Variants in COQ6 observed in about 807,000 individuals in gnomAD.
COQ6 encodes ubiquinone biosynthesis monooxygenase COQ6, mitochondrial.
In COQ6, 45 loss-of-function variants were observed where a neutral mutation model predicts 55.5. The ratio of observed to expected loss-of-function variants is 0.81; its 90% CI spans 0.64 to 1.04. The LOEUF is 1.04. COQ6 is among the 50% of genes least tolerant of loss of function. COQ6 has a pLI of 0.00. For missense variants in COQ6, 550 were observed against 601.3 expected (o/e 0.91, Z 0.89); for synonymous variants, 206 against 230.5 (o/e 0.89, Z 0.96).
rs996225314 is a variant in COQ6, at chr14:73,963,320, ATTTTGT to A, written c.*331_*336del. Reference sequence around the variant, plus strand: ...AATCATTTCTAAAGAGAAAATTTACATTTTGTTTTTGTTTTAATGTTGGTCATAAAT... The same window carrying A: ...AATCATTTCTAAAGAGAAAATTTACATTTTGTTTTAATGTTGGTCATAAAT... On this transcript the variant is annotated 3_prime_UTR_variant, in exon 12 of 12. Transcript: ENST00000334571. The A allele has an allele frequency of 2.7e-5, 12 of 448,580 alleles. No homozygotes were observed. The highest frequency in any genetic ancestry group is 2.0e-4 in the African/African-American group (10 of 49,862). 27.8% of individuals were successfully genotyped at this position (448,580 alleles called of 1,614,324 possible). A position where few individuals can be genotyped will look rare whatever the true frequency, so the allele number is the denominator to read the frequency against.
At chr14:73,955,675 T>C (rs1735305544) in intron 3 of COQ6, 130 bp from the exon 4 acceptor site, 3 of 1,481,454 alleles carry the variant, frequency 2.0e-6, no homozygotes, top group South Asian at 1.1e-5. Context: ...CTTCTCATTT[T>C]ATATTTTCCT....
chr14:73,961,062 G>C, intron 8 of COQ6, 111 bp from the exon 9 acceptor site: 2 of 1,245,616 alleles, frequency 1.6e-6, no homozygotes, highest in Non-Finnish European at 2.3e-6. Context: ...GTGTAGGCAA[G>C]TTGGGTAGCA....
chr14:73,960,475 A>G (rs2056665197), intron 8 of COQ6: 1 of 992,464 alleles, frequency 1.0e-6, no homozygotes. Flanking sequence ...AGTAGCAACA[A>G]GAATAAAGGG....
rs771271827 is a variant in COQ6, at chr14:73,961,419, G to T, written c.1095-36G>T. ...AGGGCCACTCCCTTCTCACTTTGCT[G>T]CCAGAGGTCACACCTGAACTCTGCT... On this transcript the variant is annotated intron_variant, in intron 9 of 11. Coordinates refer to ENST00000334571, the MANE Select transcript of COQ6 (RefSeq NM_182476.3). The T allele has an allele frequency of 1.2e-4, 197 of 1,614,102 alleles. 3 individuals carry two copies. The South Asian group carries it at 2.2e-3, about 18-fold the overall frequency.
chr14:73,950,214 A>G, upstream of COQ6: 1 of 1,542,158 alleles, frequency 6.5e-7, no homozygotes, highest in Non-Finnish European at 8.7e-7. Context: ...TTCTCCGCGC[A>G]TTTTATTTCC....
Position 73,950,424 on chromosome 14 carries a change from C to T in COQ6, c.92C>T (p.Ser31Leu), listed in dbSNP as rs778721414. 2.5e-6 allele frequency: 4 copies of T among 1,605,100 alleles called. No homozygotes were observed. The highest frequency in any genetic ancestry group is 3.4e-6 in the Non-Finnish European group (4 of 1,176,122). Reference sequence around the variant, plus strand: ...TCCTGGCGCAGGTGGTCCGGCGCCTCAACAGACACCGTGTATGACGTGGTG... The same window carrying T: ...TCCTGGCGCAGGTGGTCCGGCGCCTTAACAGACACCGTGTATGACGTGGTG... Reference protein sequence around the residue: ...LVSWRRWSGASTDTVYDVVVS... With the variant: ...LVSWRRWSGALTDTVYDVVVS... Residue 31 changes from serine to leucine, a missense_variant, in exon 1 of 12, where the codon TCA becomes TTA. Transcript: ENST00000334571.
chr14:73,953,905 C>A, intron 2 of COQ6: 1 of 376,298 alleles, frequency 2.7e-6, no homozygotes, highest in Non-Finnish European at 5.0e-6. Flanking sequence ...CTCTCTTCAT[C>A]CTGAGTCAAG....
At position 73,962,969 on chromosome 14, in the gene COQ6, G is replaced by A; in HGVS notation, c.1378-1G>A. The stretch of plus-strand genomic sequence containing the variant: ...TTCATTCACTTTTATTTTTTCTCCA[G>A]GAACAGATTATGGCCTTTGCAAGCA... On this transcript the variant is annotated splice_acceptor_variant, in intron 11 of 11. Coordinates refer to ENST00000334571, the MANE Select transcript of COQ6 (RefSeq NM_182476.3). LOFTEE classifies it high-confidence loss of function. 1 of 1,607,144 alleles carries A rather than the reference G, an allele frequency of 6.2e-7. No individual in the cohort carries two copies.
intron 1 of COQ6, 177 bp downstream of exon 1, chr14:73,950,672 C>G (rs1161266196): frequency 2.1e-6 from 2 of 949,252 alleles, no homozygotes; most frequent in Admixed American, 2.9e-5. Context: ...CCTTCAGGGT[C>G]CATTAGGGTC....
rs774838184 is a variant in COQ6 at position 73,953,442 on chromosome 14, T to C, written c.171T>C (p.Asp57=). The C allele has an allele frequency of 3.0e-5, 48 of 1,613,434 alleles. No homozygotes were observed. The highest frequency in any genetic ancestry group is 4.0e-5 in the Non-Finnish European group (47 of 1,179,458). The part of the protein sequence containing the change: ...GAAMACALGY[D]IHFHDKKILL... ...AAATTTTCTTTTTTTAAGGATATGA[T>C]ATTCACTTTCATGACAAGAAAATCC... Residue 57 remains aspartate, a synonymous_variant, in exon 2 of 12, where the codon GAT becomes GAC. Transcript: ENST00000334571.
chr14:73,958,789 G>C (rs2056565518), intron 5 of COQ6, 182 bp from the exon 6 acceptor site: 1 of 1,503,290 alleles, frequency 6.7e-7, no homozygotes, highest in African/African-American at 1.4e-5. Flanking sequence ...TGGCTCTGTT[G>C]GCTGAGGCTG....
intron 1 of COQ6, 27 bp downstream of exon 1, chr14:73,950,522 G>C: frequency 6.3e-7 from 1 of 1,581,882 alleles, no homozygotes; most frequent in South Asian, 1.1e-5. Context: ...GCTACTAGTG[G>C]CCGGAAACCG....
At chr14:73,951,436 A>G (rs950927418) in intron 1 of COQ6, among the ~76,000 whole-genome samples, 14 of 151,374 alleles carry the variant, frequency 9.2e-5, no homozygotes, top group Non-Finnish European at 2.1e-4. Flanking sequence ...GTACAATGGC[A>G]CGATCTCAGC....
chr14:73,959,327 T>C (rs775056983), intron 7 of COQ6, 88 bp from the exon 8 acceptor site: 2 of 1,614,134 alleles, frequency 1.2e-6, no homozygotes, highest in East Asian at 2.2e-5. Flanking sequence ...CCAGGCTGTT[T>C]GTAAGTTCCC....
At chr14:73,950,078 G>T (rs1465215937), upstream of COQ6, 2 of 1,606,504 alleles carry the variant, frequency 1.2e-6, no homozygotes, top group Non-Finnish European at 8.5e-7. Context: ...GGCAGCAGCG[G>T]TGGCAGCGAG....
chr14:73,950,278 G>C, upstream of COQ6: 1 of 1,539,804 alleles, frequency 6.5e-7, no homozygotes. Context: ...TGCTCCGGAC[G>C]CACTACGTAG....
chr14:73,952,351 G>A (rs2056236461), intron 1 of COQ6, among the ~76,000 whole-genome samples: 1 of 151,656 alleles, frequency 6.6e-6, no homozygotes, highest in Non-Finnish European at 1.5e-5. Context: ...TTGAACTCCT[G>A]AGCTCAACTG....
chr14:73,953,897 C>G, intron 2 of COQ6: 2 of 388,948 alleles, frequency 5.1e-6, no homozygotes, highest in Non-Finnish European at 9.7e-6. Flanking sequence ...TAGCAGGGCT[C>G]TCTTCATCCT....
At chr14:73,954,936 C>CTTT (rs35787543) in intron 2 of COQ6, among the ~76,000 whole-genome samples, 72 of 126,170 alleles carry the variant, frequency 5.7e-4, no homozygotes, top group African/African-American at 2.1e-3. Context: ...GAAGCTGAGT[C>CTTT]TTTTTTTTTT....
Sources: allele counts gnomAD v4.1 joint callset (sites outside exome capture counted in the v4.1 genomes callset), GRCh38; gene constraint gnomAD v4.1.1; transcripts MANE v1.5; gene names NCBI Gene and HGNC (gene_info 2026-07-23, HGNC 2026-07-21).